Variants in SLC18B1 observed in about 807,000 individuals in gnomAD.
The protein encoded by SLC18B1 is MFS-type transporter SLC18B1.
SLC18B1 carries 62 observed loss-of-function variants against 53.9 expected under a neutral mutation model. The observed-to-expected ratio is 1.15, with a 90% CI of 0.94 to 1.42. SLC18B1 has a LOEUF of 1.42. Among genes scored for constraint, SLC18B1 ranks in the 40% most tolerant of loss-of-function variants. The pLI, the probability that SLC18B1 is intolerant of heterozygous loss-of-function variation, is 0.00. For missense variants in SLC18B1, 598 were observed against 547.3 expected (o/e 1.09, Z -0.93); for synonymous variants, 217 against 200.9 (o/e 1.08, Z -0.68).
chr6:132,790,923 T>G (rs1781507034), intron 2 of SLC18B1, among the ~76,000 whole-genome samples: 1 of 152,232 alleles, frequency 6.6e-6, no homozygotes, highest in African/African-American at 2.4e-5. Flanking sequence ...GTTTATAGCC[T>G]ATTCTATCAG....
intron 2 of SLC18B1, among the ~76,000 whole-genome samples, chr6:132,792,284 G>GAAAGGAAGA (rs1461079612): frequency 2.6e-5 from 1 of 37,804 alleles, no homozygotes; most frequent in Non-Finnish European, 4.7e-5. Flanking sequence ...AGAAAGAAAG[G>GAAAGGAAGA]AAGAAAGGAA....
At chr6:132,789,646 C>T in intron 4 of SLC18B1, 118 bp downstream of exon 4, 2 of 735,634 alleles carry the variant, frequency 2.7e-6, no homozygotes, top group Non-Finnish European at 2.4e-6. Flanking sequence ...TAGTCACATG[C>T]TATGCATTTG....
At chr6:132,792,284 G>GAAGAAAGA (rs1235047820) in intron 2 of SLC18B1, among the ~76,000 whole-genome samples, 7 of 37,780 alleles carry the variant, frequency 1.9e-4, no homozygotes, top group Non-Finnish European at 1.9e-4. Flanking sequence ...AGAAAGAAAG[G>GAAGAAAGA]AAGAAAGGAA....
chr6:132,794,156 T>G (rs1398981522), intron 2 of SLC18B1, among the ~76,000 whole-genome samples: 1 of 150,090 alleles, frequency 6.7e-6, no homozygotes, highest in Non-Finnish European at 1.5e-5. Context: ...CAGGCTAGAG[T>G]GCAGTGGGGC....
chr6:132,792,667 A>G (rs1043962523), intron 2 of SLC18B1, among the ~76,000 whole-genome samples: 5 of 152,148 alleles, frequency 3.3e-5, no homozygotes, highest in African/African-American at 4.8e-5. Flanking sequence ...ACAGGTCATG[A>G]GCCACTACAG....
Position 132,773,108 on chromosome 6 carries a change from A to G in SLC18B1, c.990-20T>C. ...AGCTGACTGCAAAAGGGTTTTGGAG[A>G]AAACAAATACAAAAAGAAAAACATT... On this transcript the variant is annotated intron_variant, in intron 9 of 13. Transcript: ENST00000275227. 1 of 1,565,104 alleles carries G rather than the reference A, an allele frequency of 6.4e-7. No homozygotes were observed. The highest frequency in any genetic ancestry group is 8.8e-7 in the Non-Finnish European group (1 of 1,137,190).
At chr6:132,788,806 G>A (rs1480324671) in intron 4 of SLC18B1, among the ~76,000 whole-genome samples, 8 of 139,504 alleles carry the variant, frequency 5.7e-5, no homozygotes, top group African/African-American at 2.2e-4. Context: ...CTGGGCAATA[G>A]AGTGAGACTC....
At chr6:132,790,295 C>T in intron 2 of SLC18B1, 23 bp from the exon 3 acceptor site, 1 of 1,456,664 alleles carries the variant, frequency 6.9e-7, no homozygotes, top group South Asian at 1.4e-5. Context: ...GAAACGGAAA[C>T]AAAGTTTCAA....
chr6:132,783,982 G>A lies in SLC18B1; in HGVS notation c.609C>T (p.Cys203=), dbSNP rs777391951. Residue 203 remains cysteine, a synonymous_variant, in exon 6 of 14, where the codon TGC becomes TGT. Coordinates refer to ENST00000275227, the MANE Select transcript of SLC18B1 (RefSeq NM_052831.3). ...TGAGTGGTACCATCAGCAAAACGAC[G>A]CATCCCAGAACAATAAAAGGCACTT... is the stretch of plus-strand genomic sequence containing the variant. ...GYEVPFIVLG[C]VVLLMVPLNM... 17 of 1,607,362 alleles carry A rather than the reference G, an allele frequency of 1.1e-5. No homozygotes were observed. The highest frequency in any genetic ancestry group is 2.3e-5 in the East Asian group (1 of 44,376).
chr6:132,789,893 G>T, intron 3 of SLC18B1, 56 bp from the exon 4 acceptor site: 1 of 1,220,872 alleles, frequency 8.2e-7, no homozygotes, highest in South Asian at 1.2e-5. Context: ...AGTCTATATT[G>T]ATATAAACAA....
chr6:132,797,065 C>A lies in SLC18B1; in HGVS notation c.100G>T (p.Val34Phe). Residue 34 changes from valine to phenylalanine, a missense_variant, in exon 2 of 14, where the codon GTT (valine) becomes TTT (phenylalanine). Physicochemically the swap from Val to Phe is conservative, Grantham distance 50. Coordinates refer to ENST00000275227, the MANE Select transcript of SLC18B1 (RefSeq NM_052831.3). ...GAAGCTGCCGATATCAGTACAAAAACCTGTTCTCTCGAAAGCCACCCGGGG... is the reference window on the plus strand; with the variant it reads ...GAAGCTGCCGATATCAGTACAAAAAACTGTTCTCTCGAAAGCCACCCGGGG... The part of the protein sequence containing the change: ...ETPGWLSREQ[V>F]FVLISAASVN... 1 of 1,614,132 alleles carries A rather than the reference C, an allele frequency of 6.2e-7. No homozygotes were observed. The highest frequency in any genetic ancestry group is 8.5e-7 in the Non-Finnish European group (1 of 1,180,014).
At chr6:132,789,040 T>C (rs551105009) in intron 4 of SLC18B1, among the ~76,000 whole-genome samples, 5 of 152,166 alleles carry the variant, frequency 3.3e-5, no homozygotes, top group Non-Finnish European at 7.3e-5. Flanking sequence ...ATAATCTTAC[T>C]ATACTGGTAT....
chr6:132,770,458 G>C (rs549372409), intron 13 of SLC18B1, 122 bp from the exon 14 acceptor site: 1 of 814,354 alleles, frequency 1.2e-6, no homozygotes, highest in East Asian at 2.7e-5. Context: ...TCTACTGCCC[G>C]GGCATGGTGG....
intron 5 of SLC18B1, 150 bp downstream of exon 5, chr6:132,787,284 G>T: frequency 1.6e-6 from 1 of 613,694 alleles, no homozygotes. Context: ...TGACAGGCTT[G>T]CTGCTAGTCA....
chr6:132,792,510 C>T (rs903149817), intron 2 of SLC18B1, among the ~76,000 whole-genome samples: 3 of 151,904 alleles, frequency 2.0e-5, no homozygotes, highest in Non-Finnish European at 2.9e-5. Context: ...ATGCCTATAG[C>T]AATTAATACT....
intron 10 of SLC18B1, 152 bp from the exon 11 acceptor site, chr6:132,772,358 T>C (rs1302609825): frequency 2.2e-6 from 1 of 464,710 alleles, no homozygotes; most frequent in Non-Finnish European, 3.7e-6. Flanking sequence ...AAGCAAATCT[T>C]ATTTAAAAGA....
At chr6:132,773,402 G>C (rs534757428) in intron 9 of SLC18B1, among the ~76,000 whole-genome samples, 7 of 152,190 alleles carry the variant, frequency 4.6e-5, no homozygotes, top group African/African-American at 1.7e-4. Context: ...TTCAAAATTG[G>C]TGAAAACGTC....
At chr6:132,781,757 T>TAA (rs67568708) in intron 6 of SLC18B1, among the ~76,000 whole-genome samples, 1 of 136,990 alleles carries the variant, frequency 7.3e-6, no homozygotes. Context: ...ACTCTGTCTT[T>TAA]AAAAAAAAAA....
At chr6:132,783,078 TA>T (rs1388122007) in intron 6 of SLC18B1, among the ~76,000 whole-genome samples, 1 of 152,124 alleles carries the variant, frequency 6.6e-6, no homozygotes, top group Admixed American at 6.5e-5. Flanking sequence ...CCTAGCGAAA[TA>T]ATAACAATTT....
Sources: allele counts gnomAD v4.1 joint callset (sites outside exome capture counted in the v4.1 genomes callset), GRCh38; gene constraint gnomAD v4.1.1; transcripts MANE v1.5; gene names NCBI Gene and HGNC (gene_info 2026-07-23, HGNC 2026-07-21).